Variants in MED13 observed in about 807,000 individuals in gnomAD.
MED13 encodes mediator complex subunit 13, also known as mediator of RNA polymerase II transcription subunit 13.
A neutral mutation model predicts 225.2 loss-of-function variants in MED13; 23 were observed. The observed-to-expected ratio is 0.10, with a 90% CI of 0.07 to 0.14. The LOEUF is 0.14. MED13 is among the 10% of genes least tolerant of loss of function. MED13 has a pLI of 1.00. For missense variants in MED13, 2,197 were observed against 2,594.5 expected, an observed-to-expected ratio of 0.85 and a Z score of 3.33; for synonymous variants, 942 against 889.2, an observed-to-expected ratio of 1.06 and a Z score of -1.06.
intron 8 of MED13, among the ~76,000 whole-genome samples, chr17:62,021,607 C>T (rs1216691399): frequency 6.6e-6 from 1 of 152,256 alleles, no homozygotes; most frequent in Non-Finnish European, 1.5e-5. Context: ...GTGCGCTATT[C>T]AATCTCGCTA....
At chr17:61,972,970 T>C (rs2080122751) in intron 16 of MED13, 82 bp from the exon 17 acceptor site, 2 of 1,174,898 alleles carry the variant, frequency 1.7e-6, no homozygotes, top group Non-Finnish European at 2.4e-6. Context: ...ACAAAACACA[T>C]ATAGGGAAGT....
At chr17:61,957,219 G>A (rs1221015917) in intron 23 of MED13, among the ~76,000 whole-genome samples, 1 of 151,886 alleles carries the variant, frequency 6.6e-6, no homozygotes, top group Non-Finnish European at 1.5e-5. Context: ...GCTAATTTTT[G>A]TATTTTTAGC....
Position 62,034,000 on chromosome 17 carries a change from A to G in MED13, c.617-16T>C. 1 of 1,607,486 alleles carries G rather than the reference A, an allele frequency of 6.2e-7. No homozygotes were observed. Among genetic ancestry groups the G allele is most frequent in the Non-Finnish European group, 8.5e-7 (1 of 1,175,376 alleles). ...CATAAGATAACTAGAAACCCAAAGC[A>G]GACATCAAATAAGTAACAAAAGACT... On this transcript the variant is annotated splice_polypyrimidine_tract_variant and intron_variant, in intron 4 of 29. Coordinates refer to ENST00000397786, the MANE Select transcript of MED13 (RefSeq NM_005121.3).
rs1340412447 is a variant in MED13, at chr17:61,992,569, A to G, written c.2234T>C (p.Met745Thr). Residue 745 changes from methionine to threonine, a missense_variant, in exon 11 of 30, where the codon ATG becomes ACG. By Grantham distance (81) the Met-to-Thr change is moderately conservative. Transcript: ENST00000397786. ...CTTGATAGAGGGACTAAATAATGACATAGCATCTTCTTCATGTGATAACAC... is the reference window on the plus strand; with the variant it reads ...CTTGATAGAGGGACTAAATAATGACGTAGCATCTTCTTCATGTGATAACAC... ...VTVLSHEEDA[M>T]SLFSPSIKQD... The G allele has an allele frequency of 6.2e-7, 1 of 1,611,754 alleles. No homozygotes were observed. The highest frequency in any genetic ancestry group is 1.7e-4 in the Middle Eastern group (1 of 6,002).
chr17:61,955,302 A>C (rs1455261126), intron 26 of MED13, 80 bp downstream of exon 26: 2 of 1,197,058 alleles, frequency 1.7e-6, no homozygotes, highest in Middle Eastern at 2.3e-4. Flanking sequence ...ACAAGGTAAC[A>C]TTCACACGTT....
At chr17:62,021,728 A>G (rs2080649589) in intron 8 of MED13, among the ~76,000 whole-genome samples, 1 of 152,242 alleles carries the variant, frequency 6.6e-6, no homozygotes, top group East Asian at 1.9e-4. Context: ...AACATTTTCT[A>G]TATGCAAAAA....
intron 3 of MED13, among the ~76,000 whole-genome samples, chr17:62,052,033 A>G (rs2080961453): frequency 1.3e-5 from 2 of 152,342 alleles, no homozygotes; most frequent in Admixed American, 6.5e-5. Context: ...TTGCTCAAGA[A>G]AATTATAAGC....
chr17:61,980,055 G>C (rs2080190361), intron 16 of MED13, among the ~76,000 whole-genome samples: 1 of 152,120 alleles, frequency 6.6e-6, no homozygotes. Flanking sequence ...CGGGTGTGGT[G>C]GCGTGCACCT....
At chr17:61,981,006 G>A (rs750577802) in intron 16 of MED13, among the ~76,000 whole-genome samples, 1 of 149,264 alleles carries the variant, frequency 6.7e-6, no homozygotes, top group Non-Finnish European at 1.5e-5. Context: ...TTAGACGCAT[G>A]AGCCACCGCA....
chr17:62,009,196 G>A (rs1164467488), intron 9 of MED13, among the ~76,000 whole-genome samples: 2 of 152,080 alleles, frequency 1.3e-5, no homozygotes, highest in African/African-American at 2.4e-5. Flanking sequence ...ATATGTAAAA[G>A]GCTTATTAGA....
chr17:61,971,500 G>A (rs924077142), intron 17 of MED13, among the ~76,000 whole-genome samples: 2 of 151,964 alleles, frequency 1.3e-5, no homozygotes, highest in African/African-American at 2.4e-5. Flanking sequence ...GTTTCTCCAC[G>A]TTGGTCAGGC....
intron 8 of MED13, among the ~76,000 whole-genome samples, chr17:62,012,581 C>T (rs543575751): frequency 1.9e-3 from 285 of 151,942 alleles, no homozygotes; most frequent in African/African-American, 6.6e-3. Context: ...CTGCCCACCT[C>T]GGCCTCCCAA....
At chr17:62,034,752 A>G (rs148781484) in intron 4 of MED13, among the ~76,000 whole-genome samples, 9 of 152,314 alleles carry the variant, frequency 5.9e-5, no homozygotes, top group African/African-American at 2.2e-4. Context: ...AATCTTATAA[A>G]ATATTTCTTC....
intron 18 of MED13, 84 bp downstream of exon 18, chr17:61,967,951 C>T (rs945451047): frequency 2.0e-6 from 2 of 1,011,102 alleles, no homozygotes; most frequent in African/African-American, 3.2e-5. Context: ...GTGTCCCAAT[C>T]AACTGAACTG....
At chr17:62,057,506 T>A (rs1282485991) in intron 2 of MED13, among the ~76,000 whole-genome samples, 2 of 152,146 alleles carry the variant, frequency 1.3e-5, no homozygotes, top group Non-Finnish European at 2.9e-5. Context: ...AATTTTACAA[T>A]AGTAGAAATA....
intron 2 of MED13, among the ~76,000 whole-genome samples, chr17:62,061,724 T>C (rs1284490560): frequency 2.6e-5 from 4 of 152,200 alleles, no homozygotes; most frequent in East Asian, 1.9e-4. Context: ...TTAGAAAGTA[T>C]TGTCTCGCTA....
intron 3 of MED13, among the ~76,000 whole-genome samples, chr17:62,037,955 CAAAAAA>C (rs397857634): frequency 3.1e-5 from 2 of 64,756 alleles, no homozygotes; most frequent in East Asian, 4.8e-4. Context: ...GACTTCATCT[CAAAAAA>C]AAAAAAAAAA....
chr17:61,985,222 A>G, intron 12 of MED13, 132 bp from the exon 13 acceptor site: 1 of 646,998 alleles, frequency 1.5e-6, no homozygotes, highest in South Asian at 2.0e-5. Flanking sequence ...GATACAGCCA[A>G]ATACATACTA....
chr17:62,030,942 A>G (rs1258647639), intron 6 of MED13: 1 of 152,256 alleles, frequency 6.6e-6, no homozygotes, highest in African/African-American at 2.4e-5. Flanking sequence ...TTATTTTTGT[A>G]GGACTTAAGG....
Sources: allele counts gnomAD v4.1 joint callset (sites outside exome capture counted in the v4.1 genomes callset), GRCh38; gene constraint gnomAD v4.1.1; transcripts MANE v1.5; gene names NCBI Gene and HGNC (gene_info 2026-07-23, HGNC 2026-07-21).